Variants in DPF3 observed in about 807,000 individuals in gnomAD.
DPF3 encodes zinc finger protein DPF3.
A neutral mutation model predicts 56.8 loss-of-function variants in DPF3; 18 were observed. That is an observed-to-expected ratio of 0.32 (90% CI 0.22 to 0.47). The LOEUF is 0.47. Ranked by LOEUF, DPF3 falls within the 20% of genes least tolerant of loss-of-function variation. The pLI, the probability that DPF3 is intolerant of heterozygous loss-of-function variation, is 1.00. For missense variants in DPF3, 403 were observed against 488.8 expected, an observed-to-expected ratio of 0.82 and a Z score of 1.65; for synonymous variants, 188 against 180.2, an observed-to-expected ratio of 1.04 and a Z score of -0.35.
intron 5 of DPF3, among the ~76,000 whole-genome samples, chr14:72,721,527 C>A (rs926196460): frequency 6.6e-6 from 1 of 152,202 alleles, no homozygotes; most frequent in East Asian, 1.9e-4. Flanking sequence ...TGGGTCTAGG[C>A]CAGTTTATCA....
intron 1 of DPF3, among the ~76,000 whole-genome samples, chr14:72,891,962 G>A (rs1406600407): frequency 6.6e-6 from 1 of 152,012 alleles, no homozygotes; most frequent in East Asian, 1.9e-4. Context: ...CTTCTTTCCC[G>A]CGTCTGTCCC....
At chr14:72,779,499 C>T (rs922060394) in intron 1 of DPF3, among the ~76,000 whole-genome samples, 2 of 152,136 alleles carry the variant, frequency 1.3e-5, no homozygotes, top group African/African-American at 4.8e-5. Context: ...GGGATGCACC[C>T]GGAAAAACTA....
At chr14:72,836,702 T>C (rs1432225974) in intron 1 of DPF3, among the ~76,000 whole-genome samples, 1 of 151,978 alleles carries the variant, frequency 6.6e-6, no homozygotes, top group Non-Finnish European at 1.5e-5. Context: ...TCCACATTCC[T>C]AACAGGACTA....
chr14:72,756,367 C>T (rs1481918223), intron 2 of DPF3, among the ~76,000 whole-genome samples: 1 of 152,200 alleles, frequency 6.6e-6, no homozygotes, highest in Non-Finnish European at 1.5e-5. Context: ...CATTGAAAGG[C>T]TTGATGCCTT....
intron 4 of DPF3, among the ~76,000 whole-genome samples, chr14:72,729,895 G>A (rs1716288608): frequency 6.6e-6 from 1 of 152,156 alleles, no homozygotes; most frequent in South Asian, 2.1e-4. Context: ...ACAACGCCAA[G>A]AGTGAACCGT....
intron 2 of DPF3, among the ~76,000 whole-genome samples, chr14:72,770,897 G>A (rs1891496761): frequency 6.6e-6 from 1 of 152,144 alleles, no homozygotes; most frequent in Non-Finnish European, 1.5e-5. Flanking sequence ...AATAATAATA[G>A]GCCAGGTGCA....
chr14:72,730,907 G>A (rs1409712193), intron 4 of DPF3, among the ~76,000 whole-genome samples: 3 of 152,066 alleles, frequency 2.0e-5, no homozygotes, highest in Admixed American at 6.6e-5. Context: ...AGTGACTCAC[G>A]CCTGTAATCC....
chr14:72,718,172 C>T (rs58593225), intron 5 of DPF3, among the ~76,000 whole-genome samples: 44,105 of 151,846 alleles, frequency 0.29, 6,924 homozygotes, highest in East Asian at 0.46. Context: ...TCCTGTTTCC[C>T]AATGCTAAGT....
intron 1 of DPF3, among the ~76,000 whole-genome samples, chr14:72,777,916 C>A (rs934795870): frequency 6.6e-6 from 1 of 152,158 alleles, no homozygotes; most frequent in Non-Finnish European, 1.5e-5. Context: ...TACCAAATCT[C>A]AGGTATTTCT....
chr14:72,826,368 G>A (rs989629644), intron 1 of DPF3, among the ~76,000 whole-genome samples: 3 of 152,120 alleles, frequency 2.0e-5, no homozygotes, highest in African/African-American at 7.2e-5. Flanking sequence ...CCTGCACTCT[G>A]CCTACTCTCC....
chr14:72,839,646 T>A (rs1884465628), intron 1 of DPF3, among the ~76,000 whole-genome samples: 1 of 152,164 alleles, frequency 6.6e-6, no homozygotes, highest in Non-Finnish European at 1.5e-5. Flanking sequence ...GATGCCCTAC[T>A]TTGCTGTGCA....
Position 72,812,605 on chromosome 14 carries a change from C to T in DPF3, c.33-40712G>A, listed in dbSNP as rs370194380. Among the ~76,000 whole-genome samples the T allele has an allele frequency of 2.0e-4, 31 of 152,152 alleles. No individual in the cohort carries two copies. In the South Asian group the frequency reaches 3.1e-3, roughly 15 times the overall value. ...GATTCCTGAAACACTGCTGGCGGAG[C>T]GGAGAGTACGGAGAGTACGCTGGGC... On this transcript the variant is annotated intron_variant, in intron 1 of 10. Coordinates refer to ENST00000556509, the MANE Select transcript of DPF3 (RefSeq NM_001280542.3).
At chr14:72,796,795 T>A (rs1362329280) in intron 1 of DPF3, among the ~76,000 whole-genome samples, 3 of 152,166 alleles carry the variant, frequency 2.0e-5, no homozygotes. Context: ...AAATGCAAGC[T>A]ACAACTATCA....
chr14:72,617,154 T>C lies in DPF3; in HGVS notation c.*2143A>G, dbSNP rs548062222. Among the ~76,000 whole-genome samples the C allele has an allele frequency of 6.6e-6, 1 of 152,318 alleles. No homozygotes were observed. Among genetic ancestry groups the C allele is most frequent in the African/African-American group, 2.4e-5 (1 of 41,574 alleles). On this transcript the variant is annotated 3_prime_UTR_variant, in exon 11 of 11. Transcript: ENST00000556509. ...GATCGAACAGGGCTGCCCTATCACCTGCACTTCTGTGGAAAACAAATTTGC... is the reference window on the plus strand; with the variant it reads ...GATCGAACAGGGCTGCCCTATCACCCGCACTTCTGTGGAAAACAAATTTGC...
At chr14:72,781,541 C>A (rs1891971585) in intron 1 of DPF3, among the ~76,000 whole-genome samples, 1 of 152,158 alleles carries the variant, frequency 6.6e-6, no homozygotes, top group Non-Finnish European at 1.5e-5. Flanking sequence ...ACTTATTATG[C>A]AAAGCTGCCT....
chr14:72,632,988 G>A (rs1599319244), intron 8 of DPF3, among the ~76,000 whole-genome samples: 1 of 152,180 alleles, frequency 6.6e-6, no homozygotes, highest in South Asian at 2.1e-4. Context: ...GGCTAATGCA[G>A]CTACCAGGAG....
intron 8 of DPF3, among the ~76,000 whole-genome samples, chr14:72,639,663 T>C (rs1374591534): frequency 6.6e-6 from 1 of 152,084 alleles, no homozygotes; most frequent in South Asian, 2.1e-4. Flanking sequence ...GGCTTGGAAT[T>C]GAATTATCTC....
intron 8 of DPF3, among the ~76,000 whole-genome samples, chr14:72,633,683 C>A (rs77635149): frequency 6.6e-6 from 1 of 152,140 alleles, no homozygotes; most frequent in Admixed American, 6.5e-5. Context: ...CTAATAATAA[C>A]ACGCTTCAGT....
At chr14:72,856,802 G>A (rs967137792) in intron 1 of DPF3, among the ~76,000 whole-genome samples, 1 of 152,314 alleles carries the variant, frequency 6.6e-6, no homozygotes, top group Non-Finnish European at 1.5e-5. Flanking sequence ...AGGCTATATA[G>A]CTCTGTGCGG....
Sources: allele counts gnomAD v4.1 joint callset (sites outside exome capture counted in the v4.1 genomes callset), GRCh38; gene constraint gnomAD v4.1.1; transcripts MANE v1.5; gene names NCBI Gene and HGNC (gene_info 2026-07-23, HGNC 2026-07-21).